Variants in KPNA4 observed in about 807,000 individuals in gnomAD.
The protein encoded by KPNA4 is karyopherin subunit alpha 4.
Under a neutral mutation model 71.3 loss-of-function variants are expected in KPNA4, and 13 were observed. The ratio of observed to expected loss-of-function variants is 0.18; its 90% CI spans 0.12 to 0.29. The LOEUF is 0.29. Among genes scored for constraint, KPNA4 ranks in the 10% least tolerant of loss-of-function variants. The pLI is 1.00. For missense variants in KPNA4, 334 were observed against 603.2 expected, an observed-to-expected ratio of 0.55 and a Z score of 4.67; for synonymous variants, 189 against 195.2, an observed-to-expected ratio of 0.97 and a Z score of 0.26.
Position 160,540,156 on chromosome 3 carries a change from C to G in KPNA4, c.70-3316G>C, listed in dbSNP as rs551001962. Among the ~76,000 whole-genome samples the G allele has an allele frequency of 4.6e-5, 7 of 151,854 alleles. No individual in the cohort carries two copies. In the South Asian group the frequency reaches 1.0e-3, roughly 23 times the overall value. On this transcript the variant is annotated intron_variant, in intron 1 of 16. Coordinates refer to ENST00000334256, the MANE Select transcript of KPNA4 (RefSeq NM_002268.5). Reference sequence around the variant, plus strand: ...CTGGGACTACAGGCTCATGCCACCACGCCCGGCTAAGTTTTTGTGTTTTTA... The same window carrying G: ...CTGGGACTACAGGCTCATGCCACCAGGCCCGGCTAAGTTTTTGTGTTTTTA...
At chr3:160,541,116 C>G (rs1721788764) in intron 1 of KPNA4, among the ~76,000 whole-genome samples, 1 of 152,190 alleles carries the variant, frequency 6.6e-6, no homozygotes, top group East Asian at 1.9e-4. Flanking sequence ...CTAGTATTTT[C>G]TTTCCACTTA....
Position 160,508,224 on chromosome 3 carries a change from A to G in KPNA4, c.1255T>C (p.Leu419=). The G allele has an allele frequency of 6.2e-7, 1 of 1,611,714 alleles. No individual in the cohort carries two copies. The highest frequency in any genetic ancestry group is 8.5e-7 in the Non-Finnish European group (1 of 1,179,132). ...QQNVIPPFCN[L]LTVKDAQVVQ... Reference sequence around the variant, plus strand: ...ACTTGTGCATCTTTTACAGTCAGCAAGTTGCAAAAAGGTGGGATAACATTT... The same window carrying G: ...ACTTGTGCATCTTTTACAGTCAGCAGGTTGCAAAAAGGTGGGATAACATTT... The change falls in exon 15 of 17, where the codon TTG becomes CTG. Residue 419 remains leucine (L), a synonymous_variant. Coordinates refer to ENST00000334256, the MANE Select transcript of KPNA4 (RefSeq NM_002268.5).
chr3:160,542,894 T>C (rs1721829888), intron 1 of KPNA4, among the ~76,000 whole-genome samples: 1 of 152,194 alleles, frequency 6.6e-6, no homozygotes, highest in Admixed American at 6.5e-5. Context: ...ACTGTAAGCA[T>C]TGAAAATTTA....
intron 4 of KPNA4, 47 bp downstream of exon 4, chr3:160,535,614 T>C (rs371959131): frequency 5.0e-6 from 8 of 1,588,914 alleles, no homozygotes; most frequent in East Asian, 2.3e-5. Context: ...CGATTAGCTG[T>C]TGAGGACAAG....
intron 1 of KPNA4, among the ~76,000 whole-genome samples, chr3:160,545,661 GA>G (rs1272062734): frequency 8.5e-5 from 13 of 152,218 alleles, no homozygotes; most frequent in African/African-American, 3.1e-4. Flanking sequence ...ACTGGGGGAT[GA>G]GCAAAGGAGA....
intron 11 of KPNA4, among the ~76,000 whole-genome samples, chr3:160,518,255 GTAGC>G (rs1721269430): frequency 6.6e-6 from 1 of 151,586 alleles, no homozygotes; most frequent in African/African-American, 2.4e-5. Context: ...AGCCTCCCGA[GTAGC>G]TGAGTAGCTG....
At chr3:160,509,721 T>C in intron 14 of KPNA4, 79 bp downstream of exon 14, 3 of 1,020,308 alleles carry the variant, frequency 2.9e-6, no homozygotes, top group Non-Finnish European at 1.5e-6. Flanking sequence ...AAATTATAAC[T>C]TACTCAAATC....
chr3:160,560,159 A>T (rs886413405), intron 1 of KPNA4, among the ~76,000 whole-genome samples: 4 of 152,138 alleles, frequency 2.6e-5, no homozygotes, highest in African/African-American at 9.6e-5. Context: ...GACTGGCATT[A>T]AGGCTGAAAG....
intron 1 of KPNA4, 98 bp downstream of exon 1, chr3:160,565,116 G>A (rs2108564564): frequency 1.0e-6 from 1 of 1,003,096 alleles, no homozygotes; most frequent in Admixed American, 2.1e-5. Flanking sequence ...CCGAGGCCTG[G>A]AGGCGGCTCC....
At chr3:160,528,655 T>C (rs1391521677) in intron 7 of KPNA4, among the ~76,000 whole-genome samples, 1 of 151,968 alleles carries the variant, frequency 6.6e-6, no homozygotes, top group African/African-American at 2.4e-5. Flanking sequence ...CATGAGCCAC[T>C]GCACCCGGCC....
chr3:160,560,444 A>G (rs1248586118), intron 1 of KPNA4, among the ~76,000 whole-genome samples: 1 of 152,100 alleles, frequency 6.6e-6, no homozygotes, highest in Admixed American at 6.5e-5. Context: ...AAAATCAGAG[A>G]TCAAGGTTAA....
At chr3:160,549,788 T>TA (rs1722000791) in intron 1 of KPNA4, among the ~76,000 whole-genome samples, 1 of 152,216 alleles carries the variant, frequency 6.6e-6, no homozygotes, top group Admixed American at 6.5e-5. Context: ...TCCATTTCTG[T>TA]AAAAAATGCT....
At chr3:160,518,109 A>T (rs1260690341) in intron 11 of KPNA4, among the ~76,000 whole-genome samples, 10 of 150,878 alleles carry the variant, frequency 6.6e-5, no homozygotes, top group Non-Finnish European at 1.3e-4. Flanking sequence ...TTTTATATTT[A>T]GGTGTTTGAT....
intron 1 of KPNA4, among the ~76,000 whole-genome samples, chr3:160,552,057 C>T (rs906278127): frequency 1.3e-5 from 2 of 151,104 alleles, no homozygotes; most frequent in Admixed American, 6.6e-5. Flanking sequence ...TGGCCCAAAA[C>T]GTCAATAGTG....
At chr3:160,561,108 A>G (rs1056945884) in intron 1 of KPNA4, among the ~76,000 whole-genome samples, 2 of 152,040 alleles carry the variant, frequency 1.3e-5, no homozygotes, top group Non-Finnish European at 2.9e-5. Flanking sequence ...GTGGATAATC[A>G]CAAGTTTCTA....
At position 160,518,190 on chromosome 3, in the gene KPNA4, C is replaced by T. The variant is rs573350284; in HGVS notation, c.904-2610G>A. 1.3e-4 allele frequency among the ~76,000 whole-genome samples: 19 copies of T among 150,318 alleles called. No individual in the cohort carries two copies. In the South Asian group the frequency reaches 3.6e-3, roughly 28 times the overall value. On this transcript the variant is annotated intron_variant, in intron 11 of 16. Coordinates refer to ENST00000334256, the MANE Select transcript of KPNA4 (RefSeq NM_002268.5). ...TCACCCAGGCTGGAGTGCAGTGGCG[C>T]GATCTCGGCTCACTGCAAGCTCCGC...
At position 160,521,849 on chromosome 3, in the gene KPNA4, T is replaced by C. The variant is rs770117923; in HGVS notation, c.833A>G (p.Gln278Arg). ...AACTATTCCAGAGTCTATTACCATC[T>C]GTATTTGTTCATTGCCAGCATCAGT... ...YLTDAGNEQI[Q>R]MVIDSGIVPH... is the part of the protein sequence containing the mutation. Residue 278 changes from glutamine (Q) to arginine (R), a missense_variant, in exon 11 of 17, where the codon CAG (glutamine) becomes CGG (arginine). Physicochemically the swap from Gln to Arg is conservative, Grantham distance 43. Transcript: ENST00000334256. 2.5e-5 allele frequency: 40 copies of C among 1,612,960 alleles called. No individual in the cohort carries two copies. The highest frequency in any genetic ancestry group is 3.3e-5 in the Non-Finnish European group (39 of 1,179,668).
intron 11 of KPNA4, among the ~76,000 whole-genome samples, chr3:160,516,753 C>G (rs1351786728): frequency 6.6e-6 from 1 of 151,964 alleles, no homozygotes; most frequent in Non-Finnish European, 1.5e-5. Flanking sequence ...GCCTGGACAA[C>G]AGAGTAAGAC....
intron 14 of KPNA4, among the ~76,000 whole-genome samples, 197 bp downstream of exon 14, chr3:160,509,603 T>C (rs1415290817): frequency 2.0e-5 from 3 of 152,170 alleles, no homozygotes; most frequent in African/African-American, 7.2e-5. Flanking sequence ...GCTCTTATTT[T>C]ATTTTTTTAA....
Sources: allele counts gnomAD v4.1 joint callset (sites outside exome capture counted in the v4.1 genomes callset), GRCh38; gene constraint gnomAD v4.1.1; transcripts MANE v1.5; gene names NCBI Gene and HGNC (gene_info 2026-07-23, HGNC 2026-07-21).